Variants in PEBP4 observed in about 807,000 individuals in gnomAD.
PEBP4 encodes the protein phosphatidylethanolamine-binding protein 4.
PEBP4 carries 22 observed loss-of-function variants against 23.9 expected under a neutral mutation model. That is an observed-to-expected ratio of 0.92 (90% CI 0.66 to 1.31). PEBP4 has a LOEUF of 1.31. Among genes scored for constraint, PEBP4 ranks in the 40% most tolerant of loss-of-function variants. PEBP4 has a pLI of 0.00. For synonymous variants in PEBP4, 112 were observed against 99.3 expected (o/e 1.13, Z -0.76); for missense variants, 324 against 281.7 (o/e 1.15, Z -1.07).
At chr8:22,796,138 T>C (rs1806254621) in intron 4 of PEBP4, among the ~76,000 whole-genome samples, 1 of 152,232 alleles carries the variant, frequency 6.6e-6, no homozygotes, top group African/African-American at 2.4e-5. Context: ...GGCGGACGCT[T>C]AGAGTCTAAT....
intron 4 of PEBP4, among the ~76,000 whole-genome samples, chr8:22,760,722 G>A (rs926554190): frequency 6.6e-6 from 1 of 152,172 alleles, no homozygotes; most frequent in Non-Finnish European, 1.5e-5. Context: ...CAATATGCTA[G>A]CAAGTGCTTC....
At chr8:22,813,712 C>T (rs1190454421) in intron 4 of PEBP4, among the ~76,000 whole-genome samples, 1 of 152,206 alleles carries the variant, frequency 6.6e-6, no homozygotes, top group Admixed American at 6.5e-5. Context: ...TCTGTCAATG[C>T]TCAGTTAGAA....
intron 3 of PEBP4, among the ~76,000 whole-genome samples, chr8:22,864,621 G>A (rs1419741242): frequency 6.6e-6 from 1 of 152,164 alleles, no homozygotes. Flanking sequence ...CGGAGGAAGC[G>A]GCTTCCATTC....
chr8:22,743,343 C>A (rs1388508224), intron 4 of PEBP4, among the ~76,000 whole-genome samples: 1 of 152,226 alleles, frequency 6.6e-6, no homozygotes, highest in South Asian at 2.1e-4. Flanking sequence ...AAAGAAGGGG[C>A]CTGAGCTCTT....
chr8:22,863,958 GC>G (rs1438026937), intron 3 of PEBP4, among the ~76,000 whole-genome samples: 1 of 152,044 alleles, frequency 6.6e-6, no homozygotes, highest in African/African-American at 2.4e-5. Flanking sequence ...ATCATCTCTT[GC>G]CCCGACTACT....
chr8:22,831,207 A>C (rs565746502), intron 3 of PEBP4, among the ~76,000 whole-genome samples: 1 of 152,320 alleles, frequency 6.6e-6, no homozygotes, highest in South Asian at 2.1e-4. Context: ...AGTGTTCCTG[A>C]GCCCCATTCT....
chr8:22,883,778 G>A (rs1004739622), intron 3 of PEBP4, among the ~76,000 whole-genome samples: 5 of 152,108 alleles, frequency 3.3e-5, no homozygotes, highest in African/African-American at 4.8e-5. Flanking sequence ...GAATGCATCT[G>A]TTCTGTATAT....
chr8:22,841,272 G>T (rs1199985415), intron 3 of PEBP4, among the ~76,000 whole-genome samples: 1 of 152,266 alleles, frequency 6.6e-6, no homozygotes, highest in East Asian at 1.9e-4. Context: ...CCCTTTGAGG[G>T]GGTGGAAGCA....
At chr8:22,763,387 C>G (rs987329692) in intron 4 of PEBP4, among the ~76,000 whole-genome samples, 1 of 152,244 alleles carries the variant, frequency 6.6e-6, no homozygotes, top group Non-Finnish European at 1.5e-5. Flanking sequence ...ATTCTTGGCT[C>G]TGGACACTGC....
chr8:22,913,913 G>A (rs574603820), intron 3 of PEBP4, among the ~76,000 whole-genome samples: 1 of 151,624 alleles, frequency 6.6e-6, no homozygotes, highest in Admixed American at 6.6e-5. Context: ...TGAACTCCTG[G>A]GTTCAAGTGA....
chr8:22,884,017 A>G (rs1485034120), intron 3 of PEBP4: 1 of 152,228 alleles, frequency 6.6e-6, no homozygotes, highest in Non-Finnish European at 1.5e-5. Context: ...CGTGTCCTCC[A>G]ATCTGAGAAG....
At chr8:22,738,275 C>A (rs1804913323) in intron 4 of PEBP4, among the ~76,000 whole-genome samples, 1 of 152,230 alleles carries the variant, frequency 6.6e-6, no homozygotes, top group African/African-American at 2.4e-5. Context: ...CTTGAAGACA[C>A]ATGATCCCAC....
intron 4 of PEBP4, among the ~76,000 whole-genome samples, chr8:22,796,913 C>T (rs1806271719): frequency 6.6e-6 from 1 of 150,866 alleles, no homozygotes. Flanking sequence ...ATCCAGGCAA[C>T]ATAACTGCAC....
At chr8:22,915,718 T>C (rs1243498424) in intron 3 of PEBP4, among the ~76,000 whole-genome samples, 1 of 152,200 alleles carries the variant, frequency 6.6e-6, no homozygotes, top group Admixed American at 6.5e-5. Context: ...AGACTCCACA[T>C]GTAGTCTACT....
chr8:22,725,050 G>C (rs1053962437), intron 5 of PEBP4, 94 bp from the exon 6 acceptor site: 2 of 1,000,792 alleles, frequency 2.0e-6, no homozygotes, highest in African/African-American at 3.2e-5. Flanking sequence ...GACCTCCCTG[G>C]GGCCCCAGAT....
intron 3 of PEBP4, among the ~76,000 whole-genome samples, chr8:22,883,310 A>G (rs1808302550): frequency 6.6e-6 from 1 of 152,168 alleles, no homozygotes; most frequent in African/African-American, 2.4e-5. Flanking sequence ...AGTTTCTCAC[A>G]CTGAGATCAG....
At chr8:22,802,609 G>A (rs557987069) in intron 4 of PEBP4, among the ~76,000 whole-genome samples, 148 of 152,308 alleles carry the variant, frequency 9.7e-4, no homozygotes, top group African/African-American at 3.3e-3. Flanking sequence ...TAATAATAAA[G>A]CTTCAGTGAG....
chr8:22,898,443 T>C, intron 3 of PEBP4, among the ~76,000 whole-genome samples: 1 of 132,674 alleles, frequency 7.5e-6, no homozygotes, highest in Admixed American at 8.2e-5. Flanking sequence ...CCACCCAGTC[T>C]ATGGTATTTT....
rs199510245 is a variant in PEBP4, at chr8:22,749,805, C to T, written c.358-22585G>A. Among the ~76,000 whole-genome samples, 383 of 83,632 alleles carry T rather than the reference C, an allele frequency of 4.6e-3. 3 individuals are homozygous for T. Among genetic ancestry groups the T allele is most frequent in the Middle Eastern group, 9.4e-3 (1 of 106 alleles). The allele number at this position is 83,632 out of a possible 152,430, so 54.9% of individuals were successfully genotyped here. A position where few individuals can be genotyped will look rare whatever the true frequency, so the allele number is the denominator to read the frequency against. On this transcript the variant is annotated intron_variant, in intron 4 of 6. Transcript: ENST00000256404. Reference sequence around the variant, plus strand: ...CTCTCCTGATTCTCAGTTTGTCATTCTTTTTTTTTTTTTTTTTTGAGATGG... The same window carrying T: ...CTCTCCTGATTCTCAGTTTGTCATTTTTTTTTTTTTTTTTTTTTGAGATGG...
Sources: allele counts gnomAD v4.1 joint callset (sites outside exome capture counted in the v4.1 genomes callset), GRCh38; gene constraint gnomAD v4.1.1; transcripts MANE v1.5; gene names NCBI Gene and HGNC (gene_info 2026-07-23, HGNC 2026-07-21).